Variants in CHRM2 observed in about 807,000 individuals in gnomAD.
CHRM2 encodes cholinergic receptor muscarinic 2, also known as muscarinic acetylcholine receptor M2.
Under a neutral mutation model 25.0 loss-of-function variants are expected in CHRM2, and 8 were observed. The ratio of observed to expected loss-of-function variants is 0.32; its 90% confidence interval spans 0.19 to 0.58. The LOEUF (loss-of-function observed/expected upper bound fraction) is 0.58, where lower values mean the gene tolerates loss of function less well. Among genes scored for constraint, CHRM2 ranks in the 20% least tolerant of loss-of-function variants. The probability of loss-of-function intolerance (pLI) is 0.88; values close to 1 mark genes in which losing one functional copy is unlikely to be tolerated. For synonymous variants in CHRM2, 202 were observed against 205.7 expected (o/e 0.98, Z 0.15); for missense variants, 440 against 567.1 (o/e 0.78, Z 2.28).
rs6962027 is a variant in CHRM2, at chr7:137,017,188, T to G, written c.*922T>G. 6.6e-6 allele frequency: 1 copy of G among 151,724 alleles called. No individual in the cohort carries two copies. Among genetic ancestry groups the G allele is most frequent in the Non-Finnish European group, 1.5e-5 (1 of 67,858 alleles). The allele number at this position is 151,724 out of a possible 1,614,324, so 9.4% of individuals were successfully genotyped here. A position where few individuals can be genotyped will look rare whatever the true frequency, so the allele number is the denominator to read the frequency against. ...AAACATAAACCTGTTTAAGAAACCA[T>G]CGTCACTGTAAAGTTGAGGTTTCAT... On this transcript the variant is annotated 3_prime_UTR_variant, in exon 4 of 4. Transcript: ENST00000680005.
intron 2 of CHRM2, among the ~76,000 whole-genome samples, chr7:136,968,309 A>AAAT (rs1227071631): frequency 4.6e-5 from 7 of 152,074 alleles, no homozygotes; most frequent in Non-Finnish European, 1.0e-4. Flanking sequence ...AGGGAAATGC[A>AAAT]AATTAAAACC....
At chr7:137,014,090 A>G (rs1805008642) in intron 3 of CHRM2, among the ~76,000 whole-genome samples, 2 of 152,048 alleles carry the variant, frequency 1.3e-5, no homozygotes, top group African/African-American at 4.8e-5. Context: ...TATGCTTTGG[A>G]AAGTCTTATG....
chr7:136,983,075 C>T (rs959523851), intron 2 of CHRM2, among the ~76,000 whole-genome samples: 1 of 152,206 alleles, frequency 6.6e-6, no homozygotes, highest in Non-Finnish European at 1.5e-5. Context: ...CTTTTAGGTA[C>T]ACCAATCAAA....
chr7:136,934,489 A>G (rs1799300229), intron 2 of CHRM2, among the ~76,000 whole-genome samples: 1 of 152,056 alleles, frequency 6.6e-6, no homozygotes, highest in African/African-American at 2.4e-5. Context: ...CATCTTTCAA[A>G]ACTGTTTAGT....
chr7:136,909,488 C>A (rs1235111035), intron 2 of CHRM2, among the ~76,000 whole-genome samples: 1 of 151,818 alleles, frequency 6.6e-6, no homozygotes, highest in Non-Finnish European at 1.5e-5. Flanking sequence ...TAGATGAGGA[C>A]ACTAAGGCAA....
At chr7:136,930,023 C>G (rs929693958) in intron 2 of CHRM2, among the ~76,000 whole-genome samples, 1 of 151,810 alleles carries the variant, frequency 6.6e-6, no homozygotes, top group Non-Finnish European at 1.5e-5. Flanking sequence ...CATTAATTGG[C>G]AGAGATTGCC....
chr7:136,956,398 T>C (rs1462191676), intron 2 of CHRM2, among the ~76,000 whole-genome samples: 1 of 152,196 alleles, frequency 6.6e-6, no homozygotes, highest in African/African-American at 2.4e-5. Flanking sequence ...TAAGGGGAAA[T>C]GTCAACTCTT....
At position 137,017,439 on chromosome 7, in the gene CHRM2, G is replaced by T. The variant is rs980345301; in HGVS notation, c.*1173G>T. The T allele has an allele frequency of 6.6e-6, 1 of 151,902 alleles. No homozygotes were observed. Among genetic ancestry groups the T allele is most frequent in the African/African-American group, 2.4e-5 (1 of 41,414 alleles). The allele number at this position is 151,902 out of a possible 1,614,324, so 9.4% of individuals were successfully genotyped here. On this transcript the variant is annotated 3_prime_UTR_variant, in exon 4 of 4. Transcript: ENST00000680005. ...GGATTAACATACTCACATAGCACCA[G>T]TGATTTCTGGGCCAGTCCCTAGAGA...
intron 2 of CHRM2, among the ~76,000 whole-genome samples, chr7:136,951,850 G>A (rs1800431023): frequency 6.6e-6 from 1 of 152,052 alleles, no homozygotes; most frequent in Non-Finnish European, 1.5e-5. Flanking sequence ...TGCATTCTTT[G>A]CCTTTCCTCC....
chr7:136,937,022 G>A (rs529491673), intron 2 of CHRM2, among the ~76,000 whole-genome samples: 93 of 152,254 alleles, frequency 6.1e-4, no homozygotes, highest in African/African-American at 2.2e-3. Flanking sequence ...TTTCTTATAA[G>A]CAAAGTGATT....
At chr7:136,903,212 T>A (rs898172086) in intron 2 of CHRM2, 1 of 534,182 alleles carries the variant, frequency 1.9e-6, no homozygotes, top group Non-Finnish European at 3.8e-6. Flanking sequence ...ACACCATGGA[T>A]CTCCAGGTGG....
intron 2 of CHRM2, among the ~76,000 whole-genome samples, chr7:136,953,738 A>T (rs1372846344): frequency 1.3e-5 from 2 of 152,054 alleles, no homozygotes; most frequent in African/African-American, 4.8e-5. Context: ...TAATGAAAAA[A>T]AAAAACAAAT....
At chr7:136,926,338 G>A (rs1038890341) in intron 2 of CHRM2, among the ~76,000 whole-genome samples, 2 of 152,038 alleles carry the variant, frequency 1.3e-5, no homozygotes, top group East Asian at 3.9e-4. Flanking sequence ...ACATATTTTT[G>A]AGCACCTATG....
At chr7:136,913,919 G>A (rs999971836) in intron 2 of CHRM2, among the ~76,000 whole-genome samples, 2 of 151,760 alleles carry the variant, frequency 1.3e-5, no homozygotes, top group Non-Finnish European at 2.9e-5. Flanking sequence ...ATATCTATTC[G>A]GATTGACAGT....
chr7:136,992,634 C>G (rs62487063), intron 3 of CHRM2, among the ~76,000 whole-genome samples: 35,689 of 152,108 alleles, frequency 0.23, 5,416 homozygotes, highest in Non-Finnish European at 0.34. Context: ...GATGAATTTC[C>G]TCTAGAAGCA....
At chr7:136,910,183 T>G (rs1797764943) in intron 2 of CHRM2, among the ~76,000 whole-genome samples, 1 of 151,918 alleles carries the variant, frequency 6.6e-6, no homozygotes, top group South Asian at 2.1e-4. Context: ...TTTAATCACC[T>G]TATATTTAAT....
intron 2 of CHRM2, among the ~76,000 whole-genome samples, chr7:136,969,746 C>A (rs1413990529): frequency 1.3e-5 from 2 of 152,092 alleles, no homozygotes; most frequent in Non-Finnish European, 2.9e-5. Context: ...TATTAGTCTG[C>A]CAAAAATGCT....
At chr7:136,908,877 G>A (rs894026199) in intron 2 of CHRM2, among the ~76,000 whole-genome samples, 3 of 151,858 alleles carry the variant, frequency 2.0e-5, no homozygotes, top group East Asian at 1.9e-4. Flanking sequence ...AAGCTAAATC[G>A]ACATCTCTAA....
intron 2 of CHRM2, among the ~76,000 whole-genome samples, chr7:136,974,882 G>A (rs1563101122): frequency 6.6e-6 from 1 of 152,184 alleles, no homozygotes; most frequent in African/African-American, 2.4e-5. Flanking sequence ...GCCTTTGAAG[G>A]TGAGAACTGA....
Sources: gnomAD v4.1 joint callset for allele counts (sites outside exome capture counted in the v4.1 genomes callset) on GRCh38, gnomAD v4.1.1 for gene constraint, MANE v1.5 for transcripts, NCBI Gene and HGNC (gene_info 2026-07-23, HGNC 2026-07-21) for gene names.